BRD10: variants seen among roughly 807,000 people sequenced by gnomAD.
The protein encoded by BRD10 is uncharacterized bromodomain-containing protein 10.
the BRD10 span, among the ~76,000 whole-genome samples, chr9:6,002,033 TAA>T: frequency 6.6e-6 from 1 of 152,220 alleles, no homozygotes; most frequent in East Asian, 1.9e-4. Context: ...ATGATATAAT[TAA>T]AAACATATTT....
At chr9:5,937,791 G>A in the BRD10 span, among the ~76,000 whole-genome samples, 12 of 152,196 alleles carry the variant, frequency 7.9e-5, no homozygotes, top group Non-Finnish European at 1.3e-4. Flanking sequence ...GAAACAGTGA[G>A]CACTGTAAAC....
the BRD10 span, among the ~76,000 whole-genome samples, chr9:5,883,155 TA>T: frequency 2.4e-5 from 2 of 83,868 alleles, no homozygotes; most frequent in African/African-American, 7.0e-5. Flanking sequence ...ACTTAAAGTA[TA>T]AAAAAAAACA....
chr9:5,952,517 CTAGTT>C, the BRD10 span, among the ~76,000 whole-genome samples: 1 of 152,182 alleles, frequency 6.6e-6, no homozygotes. Context: ...GATTTCTTTT[CTAGTT>C]TAATTTTGTT....
chr9:5,923,196 A>C, the BRD10 span: 9 of 1,613,912 alleles, frequency 5.6e-6, no homozygotes, highest in Non-Finnish European at 7.6e-6. Context: ...GTTTGTTTGG[A>C]CTGTCGTTTA....
chr9:5,897,077 T>C, the BRD10 span, among the ~76,000 whole-genome samples: 5 of 152,246 alleles, frequency 3.3e-5, no homozygotes, highest in Non-Finnish European at 7.3e-5. Context: ...TGATAAATTG[T>C]GTCTACCCTC....
chr9:5,885,456 C>T, the BRD10 span, among the ~76,000 whole-genome samples: 1 of 152,094 alleles, frequency 6.6e-6, no homozygotes, highest in Non-Finnish European at 1.5e-5. Context: ...CTGCAACCTC[C>T]ACTTCCCAGG....
At chr9:5,897,614 T>A in the BRD10 span, 8 of 1,613,824 alleles carry the variant, frequency 5.0e-6, no homozygotes, top group Non-Finnish European at 6.8e-6. Context: ...TCATCGGCTG[T>A]TGGTATTGTA....
At chr9:5,942,826 C>T in the BRD10 span, among the ~76,000 whole-genome samples, 11 of 152,122 alleles carry the variant, frequency 7.2e-5, no homozygotes, top group Non-Finnish European at 1.2e-4. Context: ...CTAAAATTTT[C>T]TGATTAACAT....
the BRD10 span, among the ~76,000 whole-genome samples, chr9:5,983,876 A>G: frequency 6.6e-6 from 1 of 151,940 alleles, no homozygotes; most frequent in African/African-American, 2.4e-5. Context: ...GGCTTCTTTT[A>G]AAAAACTATG....
the BRD10 span, among the ~76,000 whole-genome samples, chr9:5,983,536 A>G: frequency 2.6e-5 from 4 of 152,348 alleles, no homozygotes; most frequent in African/African-American, 9.6e-5. Flanking sequence ...TTAAAACATG[A>G]AGATAATGAG....
chr9:5,936,832 T>C, the BRD10 span, among the ~76,000 whole-genome samples: 1 of 152,214 alleles, frequency 6.6e-6, no homozygotes, highest in Admixed American at 6.5e-5. Flanking sequence ...TGGAAGGTAG[T>C]AATCAAACTG....
At chr9:5,945,524 T>C in the BRD10 span, among the ~76,000 whole-genome samples, 4 of 152,264 alleles carry the variant, frequency 2.6e-5, no homozygotes, top group Non-Finnish European at 5.9e-5. Context: ...TAGTAGTCTT[T>C]AATAAAACCA....
the BRD10 span, among the ~76,000 whole-genome samples, chr9:5,889,610 C>A: frequency 6.6e-6 from 1 of 152,038 alleles, no homozygotes; most frequent in Non-Finnish European, 1.5e-5. Flanking sequence ...CATGGTGAAA[C>A]CCTGTCTCTA....
the BRD10 span, among the ~76,000 whole-genome samples, chr9:5,931,451 A>G: frequency 3.9e-5 from 6 of 152,242 alleles, no homozygotes; most frequent in Non-Finnish European, 8.8e-5. Context: ...TTAATCCCAC[A>G]TGGAGAAATA....
At chr9:5,889,471 T>C in the BRD10 span, among the ~76,000 whole-genome samples, 3 of 152,314 alleles carry the variant, frequency 2.0e-5, no homozygotes, top group Admixed American at 6.5e-5. Flanking sequence ...TTCATTGCAA[T>C]GGTTCCTATT....
At chr9:5,971,264 C>T in the BRD10 span, among the ~76,000 whole-genome samples, 4 of 152,028 alleles carry the variant, frequency 2.6e-5, no homozygotes, top group African/African-American at 9.7e-5. Context: ...ATAGTAGTAA[C>T]AAGTATTGGT....
the BRD10 span, among the ~76,000 whole-genome samples, chr9:5,896,613 G>A: frequency 3.3e-5 from 5 of 152,186 alleles, no homozygotes; most frequent in Admixed American, 1.3e-4. Flanking sequence ...CTTTCTTAGC[G>A]AGTTGACAAC....
chr9:5,906,329 C>CA, the BRD10 span, among the ~76,000 whole-genome samples: 227 of 132,592 alleles, frequency 1.7e-3, 1 homozygote, highest in African/African-American at 4.2e-3. Context: ...GACTCTGTCT[C>CA]AAAAAAAAAA....
chr9:5,914,409 GGTTTTTT>G, the BRD10 span, among the ~76,000 whole-genome samples: 3 of 106,924 alleles, frequency 2.8e-5, no homozygotes, highest in African/African-American at 1.1e-4. Context: ...AAATCCAGAT[GGTTTTTT>G]TTTTTTTTTT....
Sources: allele counts gnomAD v4.1 joint callset (sites outside exome capture counted in the v4.1 genomes callset), GRCh38; gene constraint gnomAD v4.1.1; transcripts MANE v1.5; gene names NCBI Gene and HGNC (gene_info 2026-07-23, HGNC 2026-07-21).